KCND3: variants seen among roughly 807,000 people sequenced by gnomAD.
The protein encoded by KCND3 is potassium voltage-gated channel subfamily D member 3, also known as A-type voltage-gated potassium channel KCND3.
A neutral mutation model predicts 51.1 loss-of-function variants in KCND3; 9 were observed. That is an observed-to-expected ratio of 0.18 (90% confidence interval 0.11 to 0.31). The LOEUF (loss-of-function observed/expected upper bound fraction) is 0.31, where lower values mean the gene tolerates loss of function less well. Ranked by LOEUF, KCND3 falls within the 10% of genes least tolerant of loss-of-function variation. The pLI, the probability that KCND3 is intolerant of heterozygous loss-of-function variation, is 1.00. For missense variants in KCND3, 526 were observed against 903.8 expected (o/e 0.58, Z 5.36); for synonymous variants, 349 against 368.0 (o/e 0.95, Z 0.59).
intron 2 of KCND3, among the ~76,000 whole-genome samples, chr1:111,803,769 C>T (rs1665432316): frequency 6.6e-6 from 1 of 152,102 alleles, no homozygotes; most frequent in South Asian, 2.1e-4. Context: ...CATTCACCAC[C>T]CTCTCCGGTT....
intron 1 of KCND3, among the ~76,000 whole-genome samples, chr1:111,983,571 C>A (rs908981518): frequency 6.6e-6 from 1 of 152,102 alleles, no homozygotes; most frequent in Non-Finnish European, 1.5e-5. Context: ...CTGTGAAGGG[C>A]GTCTTGGCTT....
At chr1:111,840,799 C>T (rs528012703) in intron 2 of KCND3, among the ~76,000 whole-genome samples, 35 of 152,186 alleles carry the variant, frequency 2.3e-4, no homozygotes, top group Non-Finnish European at 4.0e-4. Flanking sequence ...CCGGTGTCCC[C>T]TCCCCAGGCT....
chr1:111,829,643 C>T (rs1666744637), intron 2 of KCND3, among the ~76,000 whole-genome samples: 2 of 152,200 alleles, frequency 1.3e-5, no homozygotes, highest in South Asian at 4.1e-4. Context: ...TATCCACTCA[C>T]CTCCTGAATG....
intron 2 of KCND3, among the ~76,000 whole-genome samples, chr1:111,836,285 C>A (rs1474902178): frequency 6.6e-6 from 1 of 152,178 alleles, no homozygotes; most frequent in African/African-American, 2.4e-5. Flanking sequence ...CTTCTTGGGG[C>A]TCCCCATGTT....
At chr1:111,976,893 A>C (rs928377919) in intron 2 of KCND3, among the ~76,000 whole-genome samples, 1 of 152,240 alleles carries the variant, frequency 6.6e-6, no homozygotes, top group African/African-American at 2.4e-5. Context: ...GTGTATTCTC[A>C]GAGGCTGCCA....
chr1:111,807,799 T>C (rs1388567097), intron 2 of KCND3, among the ~76,000 whole-genome samples: 1 of 152,242 alleles, frequency 6.6e-6, no homozygotes, highest in African/African-American at 2.4e-5. Flanking sequence ...TGTATGATGT[T>C]TGCATGAGGA....
At chr1:111,846,677 C>T (rs545857660) in intron 2 of KCND3, among the ~76,000 whole-genome samples, 2 of 152,344 alleles carry the variant, frequency 1.3e-5, no homozygotes, top group South Asian at 4.1e-4. Flanking sequence ...ACATAGTCAG[C>T]ATCTACTGAG....
chr1:111,778,847 C>G (rs1048299307), intron 5 of KCND3, among the ~76,000 whole-genome samples: 3 of 152,142 alleles, frequency 2.0e-5, no homozygotes, highest in African/African-American at 7.2e-5. Context: ...ATTCAGCATT[C>G]CATCCCTTCA....
rs572056090 is a variant in KCND3, at chr1:111,880,525, G to A, written c.1107-93419C>T. 3.3e-5 allele frequency among the ~76,000 whole-genome samples: 5 copies of A among 152,306 alleles called. No individual in the cohort carries two copies. The East Asian group carries it at 7.7e-4, about 24-fold the overall frequency. On this transcript the variant is annotated intron_variant, in intron 2 of 7. Transcript: ENST00000302127. ...GCCCATCTCCTCCAGGACATGGACT[G>A]GGAGAGAGGCACTCCAAATGGCAAC...
chr1:111,792,399 T>G (rs1382385546), intron 2 of KCND3, among the ~76,000 whole-genome samples: 1 of 152,216 alleles, frequency 6.6e-6, no homozygotes, highest in Non-Finnish European at 1.5e-5. Flanking sequence ...CTCTGCTCTT[T>G]CCGTCATATC....
At chr1:111,800,398 A>T (rs1270265017) in intron 2 of KCND3, among the ~76,000 whole-genome samples, 1 of 103,652 alleles carries the variant, frequency 9.6e-6, no homozygotes, top group Non-Finnish European at 1.9e-5. Flanking sequence ...AGGGACACAA[A>T]CACTGCGGAA....
At position 111,832,418 on chromosome 1, in the gene KCND3, C is replaced by T. The variant is rs115882927; in HGVS notation, c.1107-45312G>A. On this transcript the variant is annotated intron_variant, in intron 2 of 7. Transcript: ENST00000302127. ...GAAAGGTTTCCAGGGAGGGTTTTGT[C>T]GACCAAAGCCATCTGTAATAAACAT... is the stretch of plus-strand genomic sequence containing the variant. Among the ~76,000 whole-genome samples, 1,069 of 152,244 alleles carry T rather than the reference C, an allele frequency of 7.0e-3. 8 individuals are homozygous for T. The highest frequency in any genetic ancestry group is 0.023 in the African/African-American group (960 of 41,528).
intron 2 of KCND3, among the ~76,000 whole-genome samples, chr1:111,820,859 G>A (rs1666315773): frequency 6.6e-6 from 1 of 152,194 alleles, no homozygotes; most frequent in Admixed American, 6.5e-5. Flanking sequence ...GACAGAGGCA[G>A]AGGCTGGAGT....
chr1:111,954,414 T>G (rs1032563063), intron 2 of KCND3, among the ~76,000 whole-genome samples: 1 of 152,222 alleles, frequency 6.6e-6, no homozygotes, highest in African/African-American at 2.4e-5. Flanking sequence ...ATTATTAAAC[T>G]GAACATACAG....
chr1:111,951,694 CAAT>C (rs1301416852), intron 2 of KCND3, among the ~76,000 whole-genome samples: 3 of 152,170 alleles, frequency 2.0e-5, no homozygotes, highest in African/African-American at 7.2e-5. Context: ...GAGGGACAGA[CAAT>C]AACCAAAAAG....
chr1:111,901,925 T>C (rs983686083), intron 2 of KCND3, among the ~76,000 whole-genome samples: 7 of 152,262 alleles, frequency 4.6e-5, no homozygotes, highest in Non-Finnish European at 1.0e-4. Context: ...TGGAGCCTCA[T>C]TTTGCAGCTG....
At position 111,775,818 on chromosome 1, in the gene KCND3, G is replaced by T; in HGVS notation, c.*259C>A. ...AGCCTATATCCCCCGGCCTATCCCC[G>T]ACCCCCCCACCCTCCCTCCCTTCCT... On this transcript the variant is annotated 3_prime_UTR_variant, in exon 8 of 8. Coordinates refer to ENST00000302127, the MANE Select transcript of KCND3 (RefSeq NM_001378969.1). 4.0e-5 allele frequency: 4 copies of T among 99,728 alleles called. No individual in the cohort carries two copies. Among genetic ancestry groups the T allele is most frequent in the Admixed American group, 1.5e-4 (1 of 6,794 alleles). The allele number at this position is 99,728 out of a possible 1,614,324, so 6.2% of individuals were successfully genotyped here.
Position 111,891,979 on chromosome 1 carries a change from TC to T in KCND3, c.1106+89641del. On this transcript the variant is annotated intron_variant, in intron 2 of 7. Transcript: ENST00000302127. The stretch of plus-strand genomic sequence containing the variant: ...GTGTGCGTGTGTGTCTGTGTGTGTG[TC>T]TGTGTGTGTGTGTGTGTGTGTTGGA... Among the ~76,000 whole-genome samples, 5 of 107,812 alleles carry T rather than the reference TC, an allele frequency of 4.6e-5. No homozygotes were observed. The East Asian group carries it at 3.1e-3, about 68-fold the overall frequency. 70.7% of individuals were successfully genotyped at this position (107,812 alleles called of 152,430 possible). A position where few individuals can be genotyped will look rare whatever the true frequency, so the allele number is the denominator to read the frequency against.
intron 2 of KCND3, among the ~76,000 whole-genome samples, chr1:111,947,821 T>G (rs770622243): frequency 2.6e-5 from 4 of 152,246 alleles, no homozygotes; most frequent in Admixed American, 1.3e-4. Flanking sequence ...TGTGAAATCC[T>G]GGGCTGGGAT....
Sources: allele counts gnomAD v4.1 joint callset (sites outside exome capture counted in the v4.1 genomes callset), GRCh38; gene constraint gnomAD v4.1.1; transcripts MANE v1.5; gene names NCBI Gene and HGNC (gene_info 2026-07-23, HGNC 2026-07-21).